The following SVIL variants were observed in gnomAD, a reference collection of about 807,000 sequenced individuals.
The protein encoded by SVIL is supervillin, also known as archvillin.
Under a neutral mutation model 240.4 loss-of-function variants are expected in SVIL, and 101 were observed. The ratio of observed to expected loss-of-function variants is 0.42; its 90% CI spans 0.36 to 0.50. The LOEUF (loss-of-function observed/expected upper bound fraction) is 0.50. Ranked by LOEUF, SVIL falls within the 20% of genes least tolerant of loss-of-function variation. SVIL has a pLI of 0.01. For missense variants in SVIL, 2,512 were observed against 2,818.7 expected (o/e 0.89, Z 2.46); for synonymous variants, 999 against 1,100.0 (o/e 0.91, Z 1.82).
At chr10:29,675,586 T>G (rs1006268391) in intron 2 of SVIL, among the ~76,000 whole-genome samples, 1 of 152,184 alleles carries the variant, frequency 6.6e-6, no homozygotes, top group African/African-American at 2.4e-5. Context: ...AGCACACCTC[T>G]GCTCTTCCAC....
chr10:29,550,375 C>T (rs533720527), intron 6 of SVIL, among the ~76,000 whole-genome samples: 105 of 151,286 alleles, frequency 6.9e-4, no homozygotes, highest in African/African-American at 2.5e-3. Flanking sequence ...CCAGGAGTTC[C>T]AGGCTGCAGT....
chr10:29,717,455 A>C (rs993427835), intron 1 of SVIL, among the ~76,000 whole-genome samples: 1 of 152,158 alleles, frequency 6.6e-6, no homozygotes, highest in African/African-American at 2.4e-5. Context: ...TGTAACTTGA[A>C]TCAATATGTG....
In SVIL at chr10:29,482,885, C is replaced by T. The variant is rs139892234; in HGVS notation, c.4956-1157G>A. The T allele has an allele frequency of 1.9e-3, 291 of 152,706 alleles. 1 individual carries two copies. Among genetic ancestry groups the T allele is most frequent in the Middle Eastern group, 6.7e-3 (2 of 298 alleles). 9.5% of individuals were successfully genotyped at this position (152,706 alleles called of 1,614,324 possible). On this transcript the variant is annotated intron_variant, in intron 27 of 37. Coordinates refer to ENST00000355867, the MANE Select transcript of SVIL (RefSeq NM_021738.3). ...GGAATGCAGCCACCCCTTAGAGCAA[C>T]CCCCCTTGCTGCTCGTGCCCTGCTG...
At chr10:29,692,905 T>A (rs2132618530) in intron 1 of SVIL, among the ~76,000 whole-genome samples, 1 of 152,280 alleles carries the variant, frequency 6.6e-6, no homozygotes, top group East Asian at 1.9e-4. Flanking sequence ...CCCATATGGT[T>A]TTTGTCTCAT....
intron 17 of SVIL, among the ~76,000 whole-genome samples, chr10:29,506,326 G>A (rs1359219695): frequency 6.6e-6 from 1 of 152,078 alleles, no homozygotes; most frequent in African/African-American, 2.4e-5. Context: ...CACTGGCTGG[G>A]TACGTGGGGC....
upstream of SVIL, among the ~76,000 whole-genome samples, chr10:29,736,090 C>G (rs144353344): frequency 9.1e-4 from 139 of 152,186 alleles, no homozygotes; most frequent in East Asian, 0.012. Context: ...GCACCCCTTC[C>G]CAAAACAGGG....
At chr10:29,683,579 G>A (rs949443636) in intron 2 of SVIL, among the ~76,000 whole-genome samples, 2 of 152,210 alleles carry the variant, frequency 1.3e-5, no homozygotes, top group African/African-American at 2.4e-5. Flanking sequence ...AGATGGCTGA[G>A]GGGCTTAGAA....
chr10:29,645,014 A>G (rs181635641), intron 3 of SVIL, among the ~76,000 whole-genome samples: 1 of 152,234 alleles, frequency 6.6e-6, no homozygotes, highest in Admixed American at 6.5e-5. Flanking sequence ...AAAATTCAAG[A>G]AAAGAAAATA....
At chr10:29,499,409 G>GA (rs1306719220) in intron 17 of SVIL, 146 bp from the exon 18 acceptor site, 1 of 1,110,222 alleles carries the variant, frequency 9.0e-7, no homozygotes, top group East Asian at 2.5e-5. Flanking sequence ...TGTTCTATCT[G>GA]AAATGGGCTT....
intron 6 of SVIL, among the ~76,000 whole-genome samples, chr10:29,543,644 C>T (rs922924157): frequency 7.2e-5 from 11 of 152,056 alleles, no homozygotes; most frequent in Non-Finnish European, 1.3e-4. Context: ...CCTGTTCTCT[C>T]GCACTCTCTC....
rs757025216 is a variant in SVIL at position 29,536,046 on chromosome 10, C to T, written c.851G>A (p.Trp284Ter). 1 of 1,614,218 alleles carries T rather than the reference C, an allele frequency of 6.2e-7. No homozygotes were observed. Among genetic ancestry groups the T allele is most frequent in the Non-Finnish European group, 8.5e-7 (1 of 1,180,050 alleles). The stretch of plus-strand genomic sequence containing the variant: ...CCCTTCGGAATCTTTCTGGAGAAAC[C>T]ACTCATGTTTGGGTTTCCCTGTACT... ...RPSTGKPKHE[W>*]FLQKDSEGDT... The change falls in exon 7 of 38, where the codon TGG (tryptophan) becomes TAG (stop). Residue 284 changes from tryptophan to a stop codon, truncating the protein, a stop_gained. Coordinates refer to ENST00000355867, the MANE Select transcript of SVIL (RefSeq NM_021738.3). LOFTEE classifies it high-confidence loss of function.
In SVIL at chr10:29,726,946, C is replaced by T. The variant is rs527917424; in HGVS notation, c.-400+8805G>A. On this transcript the variant is annotated intron_variant, in intron 1 of 35. Transcript: ENST00000375400. ...ATGCTTGTTTATTTACAAATGTATCCGCCACTGTAAGCTCCGTGAAGGCAG... is the reference window on the plus strand; with the variant it reads ...ATGCTTGTTTATTTACAAATGTATCTGCCACTGTAAGCTCCGTGAAGGCAG... Among the ~76,000 whole-genome samples the T allele has an allele frequency of 2.7e-4, 41 of 152,128 alleles. No individual in the cohort carries two copies. The South Asian group carries it at 8.3e-3, about 31-fold the overall frequency.
chr10:29,664,650 AAG>A (rs1407137229), intron 2 of SVIL, among the ~76,000 whole-genome samples: 1 of 151,960 alleles, frequency 6.6e-6, no homozygotes, highest in Non-Finnish European at 1.5e-5. Context: ...CCCATTAGAG[AAG>A]AGTCAATTTT....
chr10:29,558,518 C>G (rs7903397), intron 3 of SVIL, among the ~76,000 whole-genome samples: 45,497 of 151,842 alleles, frequency 0.3, 7,092 homozygotes, highest in African/African-American at 0.38. Context: ...AAATGATGTA[C>G]AAGACAAAAA....
intron 1 of SVIL, among the ~76,000 whole-genome samples, chr10:29,595,811 G>A (rs1315196299): frequency 1.3e-5 from 2 of 152,146 alleles, no homozygotes; most frequent in Non-Finnish European, 2.9e-5. Flanking sequence ...CAGGTGCCAG[G>A]CCAGCAGTTG....
chr10:29,459,617 T>C (rs913083199), intron 36 of SVIL, among the ~76,000 whole-genome samples: 3 of 151,880 alleles, frequency 2.0e-5, no homozygotes, highest in Admixed American at 6.6e-5. Flanking sequence ...GCAGAATCAA[T>C]TTTTTTGTTT....
intron 3 of SVIL, among the ~76,000 whole-genome samples, chr10:29,561,691 G>A (rs539160401): frequency 1.3e-5 from 2 of 152,134 alleles, no homozygotes; most frequent in South Asian, 2.1e-4. Flanking sequence ...TGGACACGAG[G>A]CCACTGGCTT....
intron 1 of SVIL, among the ~76,000 whole-genome samples, chr10:29,692,644 G>GAT (rs1296821766): frequency 2.0e-5 from 3 of 149,010 alleles, no homozygotes; most frequent in East Asian, 2.0e-4. Context: ...ATGTATATAT[G>GAT]ATATATATAT....
At chr10:29,646,416 C>T (rs1353903841) in intron 3 of SVIL, among the ~76,000 whole-genome samples, 3 of 152,018 alleles carry the variant, frequency 2.0e-5, no homozygotes, top group African/African-American at 4.8e-5. Flanking sequence ...TTCACAAATC[C>T]GCTGCCCAGG....
Sources: gnomAD v4.1 joint callset for allele counts (sites outside exome capture counted in the v4.1 genomes callset) on GRCh38, gnomAD v4.1.1 for gene constraint, MANE v1.5 for transcripts, NCBI Gene and HGNC (gene_info 2026-07-23, HGNC 2026-07-21) for gene names.